WNK1: variants seen among roughly 807,000 people sequenced by gnomAD.
WNK1 encodes serine/threonine-protein kinase WNK1.
In WNK1, 38 loss-of-function variants were observed where a neutral mutation model predicts 222.8. The ratio of observed to expected loss-of-function variants is 0.17; its 90% CI spans 0.13 to 0.22. The LOEUF is 0.22. Ranked by LOEUF, WNK1 falls within the 10% of genes least tolerant of loss-of-function variation. The pLI is 1.00. For missense variants in WNK1, 2,348 were observed against 2,918.4 expected (o/e 0.80, Z 4.50); for synonymous variants, 1,090 against 1,092.9 (o/e 1.00, Z 0.05).
chr12:834,820 A>T (rs1401963412), intron 4 of WNK1, among the ~76,000 whole-genome samples: 1 of 152,166 alleles, frequency 6.6e-6, no homozygotes, highest in Admixed American at 6.5e-5. Flanking sequence ...TTTAAGGATG[A>T]TAAAGGCTTA....
chr12:796,429 A>G (rs974213836), intron 1 of WNK1, among the ~76,000 whole-genome samples: 1 of 152,152 alleles, frequency 6.6e-6, no homozygotes, highest in African/African-American at 2.4e-5. Flanking sequence ...GGAGCTTGAT[A>G]ATTGGAAAGG....
intron 4 of WNK1, among the ~76,000 whole-genome samples, chr12:854,137 G>A (rs1260734296): frequency 2.6e-5 from 4 of 152,042 alleles, no homozygotes; most frequent in Non-Finnish European, 5.9e-5. Context: ...GGAGGCCAAG[G>A]TAGGAGGATC....
intron 8 of WNK1, chr12:864,973 A>AC: frequency 8.2e-7 from 1 of 1,225,586 alleles, no homozygotes; most frequent in Non-Finnish European, 1.1e-6. Context: ...GCTCTCCTCA[A>AC]AAAAAAAACT....
chr12:843,084 C>T (rs761819395), intron 4 of WNK1, among the ~76,000 whole-genome samples: 23 of 152,104 alleles, frequency 1.5e-4, no homozygotes, highest in Non-Finnish European at 2.6e-4. Flanking sequence ...TACAGGCACC[C>T]GCCACCATGC....
At chr12:800,802 G>A (rs1267363480) in intron 1 of WNK1, among the ~76,000 whole-genome samples, 1 of 152,164 alleles carries the variant, frequency 6.6e-6, no homozygotes, top group Non-Finnish European at 1.5e-5. Context: ...GCACTCTAAT[G>A]GCCCTACTAG....
In WNK1 at chr12:776,666, G is replaced by A. The variant is rs1287179090; in HGVS notation, c.759+22342G>A. Among the ~76,000 whole-genome samples the A allele has an allele frequency of 2.0e-5, 3 of 151,274 alleles. No homozygotes were observed. The East Asian group carries it at 5.9e-4, about 30-fold the overall frequency. On this transcript the variant is annotated intron_variant, in intron 1 of 27. Coordinates refer to ENST00000315939, the MANE Select transcript of WNK1 (RefSeq NM_018979.4). Reference sequence around the variant, plus strand: ...AGGATGGTCTTGCTCTCTTGACCTCGTGATCTGCCCGCCTTGGCCTCCCAA... The same window carrying A: ...AGGATGGTCTTGCTCTCTTGACCTCATGATCTGCCCGCCTTGGCCTCCCAA...
At chr12:890,306 A>G (rs1179496008) in intron 21 of WNK1, 147 bp from the exon 22 acceptor site, 7 of 856,686 alleles carry the variant, frequency 8.2e-6, no homozygotes, top group Non-Finnish European at 1.3e-5. Context: ...GAAAAAGGAA[A>G]GAAGATAAAA....
chr12:884,663 G>C lies in WNK1; in HGVS notation c.3859G>C (p.Ala1287Pro). The C allele has an allele frequency of 6.2e-7, 1 of 1,614,114 alleles. No individual in the cohort carries two copies. The highest frequency in any genetic ancestry group is 8.5e-7 in the Non-Finnish European group (1 of 1,180,024). Reference sequence around the variant, plus strand: ...TTCCTTTGCAGTTGCTGCCTCTACAGCTCAGAGCCCTGGAATGAACTTGTC... The same window carrying C: ...TTCCTTTGCAGTTGCTGCCTCTACACCTCAGAGCCCTGGAATGAACTTGTC... ...EITDTVAAST[A>P]QSPGMNLSHS... Residue 1287 changes from alanine (A) to proline (P), a missense_variant, in exon 19 of 28, where the codon GCT becomes CCT. By Grantham distance (27) the Ala-to-Pro change is conservative. This residue lies in a region of WNK1 where 1,144 missense variants were observed against 1,273.6 expected (regional missense o/e 0.90). Transcript: ENST00000315939. The surrounding 1 kb of genome is among the most constrained non-coding windows in gnomAD (Gnocchi z 5.6).
chr12:892,183 G>A (rs996508447), intron 22 of WNK1, among the ~76,000 whole-genome samples: 7 of 151,424 alleles, frequency 4.6e-5, no homozygotes, highest in Admixed American at 4.0e-4. Context: ...CCATTAACTC[G>A]TCATTTAGCA....
intron 1 of WNK1, among the ~76,000 whole-genome samples, chr12:791,225 C>CCACACACACACACACA: frequency 6.9e-6 from 1 of 145,188 alleles, no homozygotes; most frequent in Non-Finnish European, 1.5e-5. Context: ...ATTTCTCTCA[C>CCACACACACACACACA]CACACACACA....
chr12:817,070 C>T (rs1254388027), intron 2 of WNK1, among the ~76,000 whole-genome samples: 1 of 152,182 alleles, frequency 6.6e-6, no homozygotes, highest in Non-Finnish European at 1.5e-5. Flanking sequence ...AACGGTTAAA[C>T]AGCAGACTGA....
chr12:794,233 TTTATA>T (rs1362880399), intron 1 of WNK1, among the ~76,000 whole-genome samples: 1 of 152,206 alleles, frequency 6.6e-6, no homozygotes, highest in African/African-American at 2.4e-5. Context: ...TTTATAAGGT[TTTATA>T]TTAACATATA....
At chr12:886,299 T>C (rs926565154) in intron 19 of WNK1, among the ~76,000 whole-genome samples, 27 of 152,176 alleles carry the variant, frequency 1.8e-4, no homozygotes, top group Non-Finnish European at 3.8e-4. Flanking sequence ...TTAATTATGC[T>C]GCACAGTTTT....
chr12:876,919 A>G (rs1261668201), intron 9 of WNK1, among the ~76,000 whole-genome samples: 1 of 152,188 alleles, frequency 6.6e-6, no homozygotes, highest in Non-Finnish European at 1.5e-5. Context: ...CCTCTGGAGA[A>G]TAGGATTAGG....
rs72648634 is a variant in WNK1, at chr12:830,361, T to C, written c.1311+201T>C. 5.8e-3 allele frequency among the ~76,000 whole-genome samples: 879 copies of C among 152,294 alleles called. 5 individuals are homozygous for C. Among genetic ancestry groups the C allele is most frequent in the Middle Eastern group, 0.02 (6 of 294 alleles). ...AAGATAAAGATCAAAGAACCACTAG[T>C]TTATCCTGTACCCACCTTGCATTCA... On this transcript the variant is annotated intron_variant, in intron 4 of 27. Coordinates refer to ENST00000315939, the MANE Select transcript of WNK1 (RefSeq NM_018979.4).
chr12:902,299 T>C (rs151235639), intron 26 of WNK1, among the ~76,000 whole-genome samples: 1 of 152,136 alleles, frequency 6.6e-6, no homozygotes, highest in East Asian at 1.9e-4. Flanking sequence ...TGAGACTCTA[T>C]CTCAAAAAAA....
intron 24 of WNK1, 119 bp from the exon 25 acceptor site, chr12:897,360 G>C: frequency 1.3e-6 from 1 of 753,480 alleles, no homozygotes; most frequent in East Asian, 2.6e-5. Context: ...GTACATTTGG[G>C]GAAAAGGTTC....
At chr12:779,534 A>G (rs752356079) in intron 1 of WNK1, among the ~76,000 whole-genome samples, 1 of 151,176 alleles carries the variant, frequency 6.6e-6, no homozygotes, top group Non-Finnish European at 1.5e-5. Flanking sequence ...CCTCCTGAGT[A>G]GCTGGAATTA....
rs906229747 is a variant in WNK1, at chr12:768,302, A to G, written c.759+13978A>G. Among the ~76,000 whole-genome samples the G allele has an allele frequency of 3.9e-5, 6 of 152,054 alleles. 1 individual carries two copies. The highest frequency in any genetic ancestry group is 3.9e-4 in the Admixed American group (6 of 15,264). On this transcript the variant is annotated intron_variant, in intron 1 of 27. Coordinates refer to ENST00000315939, the MANE Select transcript of WNK1 (RefSeq NM_018979.4). ...AGGCGCTTGCAACCATGACCAGCTA[A>G]TTTTTATATTTTTAGTAGAGACGGG... is the stretch of plus-strand genomic sequence containing the variant.
Sources: allele counts gnomAD v4.1 joint callset (sites outside exome capture counted in the v4.1 genomes callset), GRCh38; gene constraint gnomAD v4.1.1; regional missense constraint gnomAD v4.1.1; non-coding constraint Gnocchi (gnomAD v3.1); transcripts MANE v1.5; gene names NCBI Gene and HGNC (gene_info 2026-07-23, HGNC 2026-07-21).